The following AMN1 variants were observed in gnomAD, a reference collection of about 807,000 sequenced individuals.
AMN1 encodes the protein protein AMN1 homolog.
In AMN1, 20 loss-of-function variants were observed where a neutral mutation model predicts 33.0. The ratio of observed to expected loss-of-function variants is 0.61; its 90% CI spans 0.43 to 0.88. AMN1 has a LOEUF of 0.88. AMN1 is among the 40% of genes least tolerant of loss of function. The pLI is 0.00. For missense variants in AMN1, 246 were observed against 307.4 expected, an observed-to-expected ratio of 0.80 and a Z score of 1.49; for synonymous variants, 114 against 111.9, an observed-to-expected ratio of 1.02 and a Z score of -0.12.
intron 1 of AMN1, chr12:31,714,919 G>A: frequency 1.0e-6 from 1 of 984,338 alleles, no homozygotes; most frequent in Middle Eastern, 5.2e-4. Context: ...ACAACATTGT[G>A]CAATTTTATT....
intron 2 of AMN1, among the ~76,000 whole-genome samples, chr12:31,706,094 CA>C (rs1565776328): frequency 1.3e-5 from 2 of 152,152 alleles, no homozygotes; most frequent in East Asian, 3.9e-4. Flanking sequence ...GGGCAGATCA[CA>C]AGGTCAGGAG....
chr12:31,679,579 A>G (rs2139655875), intron 6 of AMN1, among the ~76,000 whole-genome samples: 1 of 152,288 alleles, frequency 6.6e-6, no homozygotes, highest in East Asian at 1.9e-4. Context: ...TCCTCAGATA[A>G]GATTAAAATT....
At chr12:31,693,563 A>G (rs895627657) in intron 5 of AMN1, among the ~76,000 whole-genome samples, 1 of 147,134 alleles carries the variant, frequency 6.8e-6, no homozygotes, top group Non-Finnish European at 1.5e-5. Flanking sequence ...TTTTTTTTAG[A>G]TGGAGTTTTG....
In AMN1 at chr12:31,707,202, T is replaced by A. The variant is rs74085167; in HGVS notation, c.171+2091A>T. 8.4e-3 allele frequency among the ~76,000 whole-genome samples: 1,272 copies of A among 152,266 alleles called. 18 individuals carry two copies. Among genetic ancestry groups the A allele is most frequent in the African/African-American group, 0.029 (1,200 of 41,544 alleles). Reference sequence around the variant, plus strand: ...TAAGACTAAATAGAATAAAATTAAATAGAAAAGACCAAAATGTACTATACA... The same window carrying A: ...TAAGACTAAATAGAATAAAATTAAAAAGAAAAGACCAAAATGTACTATACA... On this transcript the variant is annotated intron_variant, in intron 2 of 6. Coordinates refer to ENST00000281471, the MANE Select transcript of AMN1 (RefSeq NM_001113402.2).
intron 1 of AMN1, among the ~76,000 whole-genome samples, chr12:31,713,898 C>T (rs890885278): frequency 2.6e-5 from 4 of 152,052 alleles, no homozygotes; most frequent in South Asian, 4.2e-4. Flanking sequence ...CTTTTATATA[C>T]TCGACTGGTT....
At chr12:31,717,471 A>G (rs1241590221) in intron 1 of AMN1, among the ~76,000 whole-genome samples, 2 of 152,246 alleles carry the variant, frequency 1.3e-5, no homozygotes, top group Admixed American at 6.5e-5. Flanking sequence ...GTATATACCC[A>G]GTAATGGGAT....
intron 1 of AMN1, among the ~76,000 whole-genome samples, chr12:31,711,776 C>T (rs1565779237): frequency 6.6e-6 from 1 of 152,112 alleles, no homozygotes; most frequent in South Asian, 2.1e-4. Context: ...TTATTATTAA[C>T]TATAGTCACC....
At chr12:31,724,478 A>G (rs981539662) in intron 1 of AMN1, among the ~76,000 whole-genome samples, 2 of 152,188 alleles carry the variant, frequency 1.3e-5, no homozygotes, top group Admixed American at 1.3e-4. Flanking sequence ...GCTACTCAAA[A>G]TGGTGCATAA....
intron 1 of AMN1, among the ~76,000 whole-genome samples, chr12:31,712,976 G>A (rs1939526909): frequency 6.6e-6 from 1 of 152,184 alleles, no homozygotes; most frequent in Non-Finnish European, 1.5e-5. Flanking sequence ...ATTACAAATA[G>A]TGCTGCAATA....
At chr12:31,729,049 C>A, upstream of AMN1, 1 of 1,507,150 alleles carries the variant, frequency 6.6e-7, no homozygotes, top group Non-Finnish European at 9.0e-7. Context: ...CCCAGGGCCT[C>A]CAGAACCCAG....
chr12:31,720,619 AC>A (rs1029831978), intron 1 of AMN1, among the ~76,000 whole-genome samples: 9 of 151,832 alleles, frequency 5.9e-5, no homozygotes, highest in Non-Finnish European at 1.2e-4. Flanking sequence ...CCTCAGAACT[AC>A]CAATTTGCTT....
intron 6 of AMN1, among the ~76,000 whole-genome samples, chr12:31,688,369 A>T (rs1459281142): frequency 6.6e-6 from 1 of 152,226 alleles, no homozygotes; most frequent in Admixed American, 6.5e-5. Context: ...CATCATGTTC[A>T]ATATCATGAA....
intron 2 of AMN1, among the ~76,000 whole-genome samples, chr12:31,704,271 A>T (rs1263808523): frequency 6.6e-6 from 1 of 152,144 alleles, no homozygotes. Flanking sequence ...TGCCAAACTG[A>T]AAGGCAAACT....
intron 2 of AMN1, among the ~76,000 whole-genome samples, chr12:31,703,160 T>C (rs1037979943): frequency 7.9e-5 from 12 of 152,186 alleles, no homozygotes; most frequent in African/African-American, 2.7e-4. Context: ...AGAGCTTAAG[T>C]AGCCAACATA....
chr12:31,674,439 C>T (rs1469325082), intron 6 of AMN1, among the ~76,000 whole-genome samples: 1 of 151,484 alleles, frequency 6.6e-6, no homozygotes, highest in Admixed American at 6.6e-5. Flanking sequence ...TCATTGAGCA[C>T]AGTCCTTCTC....
At chr12:31,708,559 T>C (rs1939340386) in intron 2 of AMN1, 1 of 153,648 alleles carries the variant, frequency 6.5e-6, no homozygotes, top group African/African-American at 2.4e-5. Flanking sequence ...AAGCATGTGA[T>C]CTTTGCTCTG....
At chr12:31,679,436 C>A (rs554731543) in intron 6 of AMN1, among the ~76,000 whole-genome samples, 2 of 152,256 alleles carry the variant, frequency 1.3e-5, no homozygotes, top group South Asian at 2.1e-4. Flanking sequence ...GAGGCTGAGG[C>A]AGGAGAATCG....
rs577282282 is a variant in AMN1, at chr12:31,701,120, C to T, written c.316+743G>A. The stretch of plus-strand genomic sequence containing the variant: ...GTTCAAGCGATTCTCCTACCTCAGC[C>T]TCCCAAGTAGCTGGGATTACAGGCA... On this transcript the variant is annotated intron_variant, in intron 3 of 6. Transcript: ENST00000281471. Among the ~76,000 whole-genome samples the T allele has an allele frequency of 3.3e-5, 5 of 152,298 alleles. No homozygotes were observed. In the East Asian group the frequency reaches 9.6e-4, roughly 29 times the overall value.
rs1592141218 is a variant in AMN1, at chr12:31,671,299, T to A, written c.*1005A>T. On this transcript the variant is annotated 3_prime_UTR_variant, in exon 7 of 7. Transcript: ENST00000281471. ...TATAAACATACCACATTTATAAATCTTGTAAGGACAAGAAATGGAGTTGAA... is the reference window on the plus strand; with the variant it reads ...TATAAACATACCACATTTATAAATCATGTAAGGACAAGAAATGGAGTTGAA... 1 of 152,190 alleles carries A rather than the reference T, an allele frequency of 6.6e-6. No homozygotes were observed. Among genetic ancestry groups the A allele is most frequent in the African/African-American group, 2.4e-5 (1 of 41,454 alleles). The allele number at this position is 152,190 out of a possible 1,614,324, so 9.4% of individuals were successfully genotyped here. A position where few individuals can be genotyped will look rare whatever the true frequency, so the allele number is the denominator to read the frequency against.
Sources: gnomAD v4.1 joint callset for allele counts (sites outside exome capture counted in the v4.1 genomes callset) on GRCh38, gnomAD v4.1.1 for gene constraint, MANE v1.5 for transcripts, NCBI Gene and HGNC (gene_info 2026-07-23, HGNC 2026-07-21) for gene names.